Variants in ASGR1 observed in about 807,000 individuals in gnomAD.
ASGR1 encodes C-type lectin domain family 4 member H1.
A neutral mutation model predicts 33.1 loss-of-function variants in ASGR1; 35 were observed. The observed-to-expected ratio is 1.06, with a 90% CI of 0.81 to 1.40. The LOEUF (loss-of-function observed/expected upper bound fraction) is 1.40. Among genes scored for constraint, ASGR1 ranks in the 40% most tolerant of loss-of-function variants. The pLI is 0.00. For missense variants in ASGR1, 396 were observed against 373.7 expected, an observed-to-expected ratio of 1.06 and a Z score of -0.49; for synonymous variants, 142 against 152.5, an observed-to-expected ratio of 0.93 and a Z score of 0.51.
In ASGR1 at chr17:7,173,498, G is replaced by T; in HGVS notation, c.*161C>A. On this transcript the variant is annotated 3_prime_UTR_variant, in exon 9 of 9. Transcript: ENST00000269299. The surrounding 1 kb of genome is among the most constrained non-coding windows in gnomAD (Gnocchi z 4.7). ...AATGATAACCTGCAAACTGCAGAAA[G>T]CGCCACGGGTTTCAAGCTCCTCACC... The T allele has an allele frequency of 1.0e-6, 1 of 970,814 alleles. No homozygotes were observed. Among genetic ancestry groups the T allele is most frequent in the Non-Finnish European group, 1.5e-6 (1 of 675,934 alleles). 60.1% of individuals were successfully genotyped at this position (970,814 alleles called of 1,614,324 possible).
chr17:7,173,875 G>A lies in ASGR1; in HGVS notation c.702-42C>T, dbSNP rs1229665521. On this transcript the variant is annotated intron_variant, in intron 8 of 8. Transcript: ENST00000269299. This position sits in a 1 kb window ranked among gnomAD's most constrained non-coding sequence, Gnocchi z 4.7. ...CTGTGGGCCCCAGGAGGTCGGATCC[G>A]CAGGCGGGTCGCTCCAGACTCCTCA... 1 of 1,606,778 alleles carries A rather than the reference G, an allele frequency of 6.2e-7. No homozygotes were observed. The highest frequency in any genetic ancestry group is 8.5e-7 in the Non-Finnish European group (1 of 1,176,934).
At position 7,173,798 on chromosome 17, in the gene ASGR1, C is replaced by A; in HGVS notation, c.737G>T (p.Gly246Val). Residue 246 changes from glycine (G) to valine (V), a missense_variant, in exon 9 of 9, where the codon GGC becomes GTC. Physicochemically the swap from Gly to Val is moderately radical, Grantham distance 109 (BLOSUM62 -3). Coordinates refer to ENST00000269299, the MANE Select transcript of ASGR1 (RefSeq NM_001671.5). The surrounding 1 kb of genome is among the most constrained non-coding windows in gnomAD (Gnocchi z 4.7). ...WRPEQPDDWYGHGLGGGEDCA... is the reference protein window; with the variant it reads ...WRPEQPDDWYVHGLGGGEDCA... ...GTCCTCGCCTCCTCCGAGCCCGTGG[C>A]CGTACCAGTCGTCCGGCTGCTCCGG... 6.2e-7 allele frequency: 1 copy of A among 1,612,034 alleles called. No individual in the cohort carries two copies. Among genetic ancestry groups the A allele is most frequent in the Non-Finnish European group, 8.5e-7 (1 of 1,179,746 alleles).
chr17:7,176,785 C>T, intron 5 of ASGR1, 45 bp downstream of exon 5: 1 of 1,584,026 alleles, frequency 6.3e-7, no homozygotes, highest in Non-Finnish European at 8.6e-7. Context: ...CACATTCTCA[C>T]TCTCTTTCAC....
intron 2 of ASGR1, chr17:7,178,137 C>G (rs1251079806): frequency 1.3e-5 from 4 of 312,884 alleles, no homozygotes; most frequent in African/African-American, 2.1e-5. Context: ...CACGCTCGCA[C>G]GACCGGGGTC....
At chr17:7,176,151 TCACA>T (rs758456436) in intron 5 of ASGR1, among the ~76,000 whole-genome samples, 53 of 139,430 alleles carry the variant, frequency 3.8e-4, no homozygotes, top group Non-Finnish European at 6.0e-4. Flanking sequence ...CATCTCATTC[TCACA>T]CACAGACACA....
At chr17:7,174,669 C>G (rs958917091) in intron 5 of ASGR1, among the ~76,000 whole-genome samples, 2 of 147,014 alleles carry the variant, frequency 1.4e-5, no homozygotes, top group Non-Finnish European at 3.1e-5. Context: ...CACACTCACA[C>G]AGACACACAA....
At position 7,174,388 on chromosome 17, in the gene ASGR1, G is replaced by A. The variant is rs1340268632; in HGVS notation, c.428C>T (p.Ala143Val). 1.2e-6 allele frequency: 2 copies of A among 1,613,980 alleles called. No homozygotes were observed. The highest frequency in any genetic ancestry group is 2.2e-5 in the East Asian group (1 of 44,878). ...DLRSLSCQMA[A>V]LQGNGSERTC... ...GGCCTCCTTACCATTGCCCTGGAGC[G>A]CCGCCATCTGACAGCTCAGGCTCCG... Residue 143 changes from alanine (A) to valine (V), a missense_variant, in exon 6 of 9, where the codon GCG becomes GTG. Transcript: ENST00000269299.
intron 5 of ASGR1, among the ~76,000 whole-genome samples, chr17:7,174,677 C>G (rs990690585): frequency 1.4e-5 from 2 of 145,556 alleles, no homozygotes; most frequent in African/African-American, 5.1e-5. Flanking sequence ...CACAGACACA[C>G]AACACATCCT....
chr17:7,177,012 C>A lies in ASGR1; in HGVS notation c.252G>T (p.Thr84=). The A allele has an allele frequency of 6.2e-7, 1 of 1,612,692 alleles. No individual in the cohort carries two copies. The highest frequency in any genetic ancestry group is 1.1e-5 in the South Asian group (1 of 91,020). The change falls in exon 4 of 9, where the codon ACG becomes ACT. Residue 84 remains threonine (T), a synonymous_variant. Coordinates refer to ENST00000269299, the MANE Select transcript of ASGR1 (RefSeq NM_001671.5). The part of the protein sequence containing the change: ...RETFSNFTAS[T]EAQVKGLSTQ... ...TGCTCAAGCCCTTGACCTGGGCCTCCGTGCTCGCTGTGAAGTTGCTGAACG... is the reference window on the plus strand; with the variant it reads ...TGCTCAAGCCCTTGACCTGGGCCTCAGTGCTCGCTGTGAAGTTGCTGAACG...
At chr17:7,177,523 G>A in intron 2 of ASGR1, 197 bp from the exon 3 acceptor site, 1 of 567,760 alleles carries the variant, frequency 1.8e-6, no homozygotes. Context: ...TGGGGAAGGG[G>A]GCTAAGCGCT....
In ASGR1 at chr17:7,173,715, G is replaced by A. The variant is rs970027210; in HGVS notation, c.820C>T (p.Arg274Cys). 2 of 1,613,900 alleles carry A rather than the reference G, an allele frequency of 1.2e-6. No individual in the cohort carries two copies. Among genetic ancestry groups the A allele is most frequent in the Admixed American group, 1.7e-5 (1 of 60,034 alleles). ...TCCAGCTCTGTCTCGCAGACCCAGC[G>A]GTAGGGCCTCTGGCAGACGTCGTCG... is the stretch of plus-strand genomic sequence containing the variant. ...WNDDVCQRPY[R>C]WVCETELDKA... Residue 274 changes from arginine to cysteine, a missense_variant, in exon 9 of 9, where the codon CGC (arginine) becomes TGC (cysteine). Arg to Cys is a radical substitution (Grantham distance 180). Coordinates refer to ENST00000269299, the MANE Select transcript of ASGR1 (RefSeq NM_001671.5). This position sits in a 1 kb window ranked among gnomAD's most constrained non-coding sequence, Gnocchi z 4.7.
At chr17:7,176,141 CAT>C (rs1351551620) in intron 5 of ASGR1, among the ~76,000 whole-genome samples, 3 of 148,912 alleles carry the variant, frequency 2.0e-5, no homozygotes, top group East Asian at 2.0e-4. Context: ...CACACACACC[CAT>C]CTCATTCTCA....
At position 7,178,500 on chromosome 17, in the gene ASGR1, T is replaced by C; in HGVS notation, c.64A>G (p.Arg22Gly). The C allele has an allele frequency of 6.2e-7, 1 of 1,613,894 alleles. No individual in the cohort carries two copies. Among genetic ancestry groups the C allele is most frequent in the Non-Finnish European group, 8.5e-7 (1 of 1,179,788 alleles). The part of the protein sequence containing the change: ...DNEESDHHQL[R>G]KGPPPPQPLL... ...AGGGCAAGGTGGCCCTCACCTTTTC[T>C]GAGCTGATGGTGGTCACTCTCCTCA... The change falls in exon 2 of 9, where the codon AGA becomes GGA. Residue 22 changes from arginine to glycine, a missense_variant. Physicochemically the swap from Arg to Gly is moderately radical, Grantham distance 125 (BLOSUM62 -2). Coordinates refer to ENST00000269299, the MANE Select transcript of ASGR1 (RefSeq NM_001671.5).
chr17:7,174,260 A>AGT lies in ASGR1; in HGVS notation c.470_471dup (p.Trp158ThrfsTer49), dbSNP rs766866981. ...TAGCAGCTGCGCTCGTGCTCCACCCAGTTGACCGGGCAGCAGGTCCTTTCT... is the reference window on the plus strand; with the variant it reads ...TAGCAGCTGCGCTCGTGCTCCACCCAGTGTTGACCGGGCAGCAGGTCCTTTCT... On this transcript the variant is annotated frameshift_variant, in exon 7 of 9. Coordinates refer to ENST00000269299, the MANE Select transcript of ASGR1 (RefSeq NM_001671.5). LOFTEE classifies it high-confidence loss of function. 9.9e-6 allele frequency: 16 copies of AGT among 1,613,974 alleles called. No homozygotes were observed. The Admixed American group carries it at 2.7e-4, about 27-fold the overall frequency.
chr17:7,176,792 T>TCACA (rs71361405), intron 5 of ASGR1, 38 bp downstream of exon 5: 44,488 of 1,473,306 alleles, frequency 0.03, 119 homozygotes, highest in Middle Eastern at 0.04. Flanking sequence ...TCACTCTCTT[T>TCACA]CACACACACA....
chr17:7,178,861 G>A, intron 1 of ASGR1: 1 of 266,254 alleles, frequency 3.8e-6, no homozygotes, highest in Non-Finnish European at 7.0e-6. Flanking sequence ...CTCAGCCTCT[G>A]GAGTAGCTGG....
chr17:7,174,482 G>GA (rs1427426445), intron 5 of ASGR1, 22 bp from the exon 6 acceptor site: 2 of 1,605,788 alleles, frequency 1.2e-6, no homozygotes, highest in African/African-American at 2.7e-5. Context: ...GGGCGGAGGG[G>GA]AGCGGGAGGA....
chr17:7,176,288 TTCTCAC>T, intron 5 of ASGR1, among the ~76,000 whole-genome samples: 1 of 128,446 alleles, frequency 7.8e-6, no homozygotes, highest in South Asian at 2.7e-4. Flanking sequence ...CCCCATCTCA[TTCTCAC>T]ACTCACAGAC....
rs756309898 is a variant in ASGR1, at chr17:7,176,916, C to T, written c.284-15G>A. The T allele has an allele frequency of 2.5e-6, 4 of 1,611,932 alleles. No homozygotes were observed. The highest frequency in any genetic ancestry group is 3.4e-6 in the Non-Finnish European group (4 of 1,179,948). Reference sequence around the variant, plus strand: ...CACATTGCCTCCTGCGGGAGAGGCTCGCTCAGCGTTCCCGACAGCCCCCCA... The same window carrying T: ...CACATTGCCTCCTGCGGGAGAGGCTTGCTCAGCGTTCCCGACAGCCCCCCA... On this transcript the variant is annotated splice_polypyrimidine_tract_variant and intron_variant, in intron 4 of 8. Transcript: ENST00000269299.
Sources: gnomAD v4.1 joint callset for allele counts (sites outside exome capture counted in the v4.1 genomes callset) on GRCh38, gnomAD v4.1.1 for gene constraint, Gnocchi (gnomAD v3.1) non-coding constraint, MANE v1.5 for transcripts, NCBI Gene and HGNC (gene_info 2026-07-23, HGNC 2026-07-21) for gene names.